MYO3A: variants seen among roughly 807,000 people sequenced by gnomAD.
MYO3A encodes the protein myosin-IIIa.
A neutral mutation model predicts 192.7 loss-of-function variants in MYO3A; 180 were observed. The observed-to-expected ratio is 0.93, with a 90% CI of 0.83 to 1.06. MYO3A has a LOEUF of 1.06. Among genes scored for constraint, MYO3A ranks in the 50% least tolerant of loss-of-function variants. MYO3A has a pLI of 0.00. For synonymous variants in MYO3A, 628 were observed against 645.3 expected, an observed-to-expected ratio of 0.97 and a Z score of 0.41; for missense variants, 1,896 against 1,905.0, an observed-to-expected ratio of 1.00 and a Z score of 0.09.
chr10:26,158,232 G>T (rs902829502), intron 26 of MYO3A, among the ~76,000 whole-genome samples: 7 of 151,686 alleles, frequency 4.6e-5, no homozygotes, highest in Non-Finnish European at 8.8e-5. Context: ...AGAATCAATT[G>T]GTATAAGGAA....
At chr10:26,152,304 C>A (rs1840840909) in intron 23 of MYO3A, among the ~76,000 whole-genome samples, 1 of 152,158 alleles carries the variant, frequency 6.6e-6, no homozygotes, top group Non-Finnish European at 1.5e-5. Context: ...GTGCTAAGCA[C>A]CTTCAATTAC....
At chr10:26,131,084 G>A (rs185926216) in intron 20 of MYO3A, among the ~76,000 whole-genome samples, 6 of 152,180 alleles carry the variant, frequency 3.9e-5, no homozygotes, top group Non-Finnish European at 2.9e-5. Flanking sequence ...GCCAGATCTC[G>A]GCACAAGTCT....
intron 31 of MYO3A, among the ~76,000 whole-genome samples, chr10:26,188,105 C>T (rs991264194): frequency 6.6e-6 from 1 of 152,174 alleles, no homozygotes; most frequent in Non-Finnish European, 1.5e-5. Flanking sequence ...TACAGTCCCA[C>T]CAACAGTGTA....
At chr10:26,166,024 G>A (rs2131989939) in intron 26 of MYO3A, 43 bp from the exon 27 acceptor site, 2 of 1,496,818 alleles carry the variant, frequency 1.3e-6, no homozygotes, top group Admixed American at 1.7e-5. Flanking sequence ...CAGAGATGTT[G>A]GCACTTTATG....
intron 2 of MYO3A, among the ~76,000 whole-genome samples, chr10:25,950,035 C>T (rs1825097287): frequency 6.6e-6 from 1 of 152,128 alleles, no homozygotes; most frequent in Non-Finnish European, 1.5e-5. Context: ...CATAAAATAA[C>T]AAAGCCCATA....
intron 12 of MYO3A, among the ~76,000 whole-genome samples, chr10:26,069,237 G>A (rs1835045045): frequency 6.6e-6 from 1 of 151,978 alleles, no homozygotes. Context: ...GAGTATGGGA[G>A]CGTCAAAAGT....
chr10:26,194,397 T>A lies in MYO3A; in HGVS notation c.4545+1086T>A, dbSNP rs149724568. Reference sequence around the variant, plus strand: ...TGTCCTCGAGCCATAGTGAACTGCTTGAAACTCTGCTGGTGAGCTGCATTC... The same window carrying A: ...TGTCCTCGAGCCATAGTGAACTGCTAGAAACTCTGCTGGTGAGCTGCATTC... On this transcript the variant is annotated intron_variant, in intron 32 of 34. Transcript: ENST00000642920. Among the ~76,000 whole-genome samples, 662 of 152,234 alleles carry A rather than the reference T, an allele frequency of 4.3e-3. 5 individuals carry two copies. Among genetic ancestry groups the A allele is most frequent in the African/African-American group, 0.015 (627 of 41,536 alleles).
At chr10:26,061,742 C>G (rs186050906) in intron 10 of MYO3A, among the ~76,000 whole-genome samples, 1 of 152,220 alleles carries the variant, frequency 6.6e-6, no homozygotes, top group Non-Finnish European at 1.5e-5. Flanking sequence ...GATGAATTCA[C>G]AAGAGTGGAA....
chr10:25,961,573 A>G (rs1366554363), intron 4 of MYO3A, among the ~76,000 whole-genome samples: 1 of 152,150 alleles, frequency 6.6e-6, no homozygotes, highest in Non-Finnish European at 1.5e-5. Flanking sequence ...GGAAAAAAAG[A>G]ATAAATTTAG....
At chr10:26,020,616 G>T (rs1360024426) in intron 7 of MYO3A, among the ~76,000 whole-genome samples, 1 of 151,992 alleles carries the variant, frequency 6.6e-6, no homozygotes, top group Non-Finnish European at 1.5e-5. Flanking sequence ...TTGTGGGTTG[G>T]CATGTACAAA....
intron 26 of MYO3A, among the ~76,000 whole-genome samples, chr10:26,159,934 T>C (rs987646025): frequency 6.6e-6 from 1 of 151,968 alleles, no homozygotes; most frequent in Non-Finnish European, 1.5e-5. Flanking sequence ...AATAAAAAAA[T>C]GGAATTTTTT....
intron 4 of MYO3A, among the ~76,000 whole-genome samples, chr10:25,984,560 C>A (rs1008208073): frequency 6.6e-6 from 1 of 152,168 alleles, no homozygotes; most frequent in East Asian, 1.9e-4. Flanking sequence ...CCAAGCCCCC[C>A]TCCCTTGTCT....
chr10:26,024,107 T>G lies in MYO3A; in HGVS notation c.797+20T>G, dbSNP rs1418624815. The G allele has an allele frequency of 1.3e-6, 2 of 1,596,926 alleles. No homozygotes were observed. The highest frequency in any genetic ancestry group is 4.5e-5 in the East Asian group (2 of 44,726). ...AAGCAAGTGAGTAAAAACAGTCTTTTAAAAAACCAAAGATATTCCCTCCTG... is the reference window on the plus strand; with the variant it reads ...AAGCAAGTGAGTAAAAACAGTCTTTGAAAAAACCAAAGATATTCCCTCCTG... On this transcript the variant is annotated intron_variant, in intron 9 of 34. Transcript: ENST00000642920.
intron 20 of MYO3A, among the ~76,000 whole-genome samples, chr10:26,136,970 T>C (rs1337968033): frequency 6.6e-6 from 1 of 151,730 alleles, no homozygotes; most frequent in Non-Finnish European, 1.5e-5. Context: ...GTGAGCAGAG[T>C]TCGTGCCACT....
chr10:26,167,867 A>G (rs961735867), intron 27 of MYO3A, among the ~76,000 whole-genome samples: 1 of 152,220 alleles, frequency 6.6e-6, no homozygotes, highest in African/African-American at 2.4e-5. Flanking sequence ...TGACTCAGCC[A>G]TAAAATTTGA....
At chr10:26,049,296 T>C (rs1286554109) in intron 10 of MYO3A, among the ~76,000 whole-genome samples, 1 of 151,862 alleles carries the variant, frequency 6.6e-6, no homozygotes, top group Non-Finnish European at 1.5e-5. Flanking sequence ...AGTTGAAGGG[T>C]ATTAACCAGG....
At chr10:26,177,276 C>A (rs1203576273) in intron 31 of MYO3A, among the ~76,000 whole-genome samples, 2 of 152,096 alleles carry the variant, frequency 1.3e-5, no homozygotes, top group Non-Finnish European at 2.9e-5. Context: ...TGTTATTGAA[C>A]TTTTTTCTAG....
chr10:26,076,342 ATTGT>A (rs1365546892), intron 14 of MYO3A, among the ~76,000 whole-genome samples: 3 of 151,350 alleles, frequency 2.0e-5, no homozygotes, highest in Non-Finnish European at 4.4e-5. Context: ...TTTTGATGAG[ATTGT>A]TTGTTTTTTT....
chr10:25,991,371 T>C, intron 4 of MYO3A, among the ~76,000 whole-genome samples: 1 of 152,212 alleles, frequency 6.6e-6, no homozygotes. Context: ...TTTGTTTTTT[T>C]CTTGTAAATT....
Sources: gnomAD v4.1 joint callset for allele counts (sites outside exome capture counted in the v4.1 genomes callset) on GRCh38, gnomAD v4.1.1 for gene constraint, MANE v1.5 for transcripts, NCBI Gene and HGNC (gene_info 2026-07-23, HGNC 2026-07-21) for gene names.